Variants in KAZN observed in about 807,000 individuals in gnomAD.
KAZN encodes the protein kazrin.
KAZN carries 40 observed loss-of-function variants against 87.4 expected under a neutral mutation model. The observed-to-expected ratio is 0.46, with a 90% confidence interval of 0.36 to 0.60. The LOEUF (loss-of-function observed/expected upper bound fraction) is 0.60. Among genes scored for constraint, KAZN ranks in the 20% least tolerant of loss-of-function variants. The pLI, the probability that KAZN is intolerant of heterozygous loss-of-function variation, is 0.00. For missense variants in KAZN, 898 were observed against 1,073.9 expected (o/e 0.84, Z 2.29); for synonymous variants, 466 against 458.3 (o/e 1.02, Z -0.22).
intron 1 of KAZN, among the ~76,000 whole-genome samples, chr1:14,602,595 G>A (rs1159524034): frequency 6.6e-6 from 1 of 152,208 alleles, no homozygotes; most frequent in Non-Finnish European, 1.5e-5. Context: ...ACATCTCTGG[G>A]AAAATGTGTT....
At chr1:13,938,188 T>C (rs944705673) in intron 1 of KAZN, among the ~76,000 whole-genome samples, 5 of 152,224 alleles carry the variant, frequency 3.3e-5, no homozygotes, top group African/African-American at 1.2e-4. Flanking sequence ...CTGGTTTGTG[T>C]CACCTATGAT....
chr1:14,822,017 C>T (rs919778876), intron 1 of KAZN, among the ~76,000 whole-genome samples: 1 of 152,216 alleles, frequency 6.6e-6, no homozygotes, highest in Non-Finnish European at 1.5e-5. Flanking sequence ...CAACATGCTG[C>T]TACTAAAGAA....
At chr1:14,335,113 C>CT (rs576281133) in intron 2 of KAZN, among the ~76,000 whole-genome samples, 1 of 149,990 alleles carries the variant, frequency 6.7e-6, no homozygotes, top group Admixed American at 7.1e-5. Context: ...GGTGCCCCCC[C>CT]CCCACCACCC....
At chr1:14,782,554 CAAA>C (rs71572122) in intron 1 of KAZN, among the ~76,000 whole-genome samples, 22 of 66,266 alleles carry the variant, frequency 3.3e-4, no homozygotes, top group South Asian at 7.3e-4. Context: ...CCTCAAAGAG[CAAA>C]AAAAAAAAAA....
At chr1:14,026,124 A>T (rs1462706738) in intron 1 of KAZN, among the ~76,000 whole-genome samples, 1 of 152,194 alleles carries the variant, frequency 6.6e-6, no homozygotes, top group Non-Finnish European at 1.5e-5. Flanking sequence ...TTAGAGATGA[A>T]GAATGATAAT....
intron 2 of KAZN, among the ~76,000 whole-genome samples, chr1:14,291,492 A>G (rs1653690579): frequency 6.6e-6 from 1 of 152,234 alleles, no homozygotes; most frequent in Non-Finnish European, 1.5e-5. Flanking sequence ...CTGCCGAGCC[A>G]GGCATGGGAC....
intron 13 of KAZN, among the ~76,000 whole-genome samples, chr1:15,106,334 A>T (rs188224326): frequency 3.9e-5 from 6 of 152,306 alleles, no homozygotes; most frequent in Admixed American, 3.9e-4. Flanking sequence ...GAATCAAAAG[A>T]CACAGGAAAA....
At chr1:14,253,965 G>A (rs1650277816) in intron 2 of KAZN, among the ~76,000 whole-genome samples, 1 of 103,084 alleles carries the variant, frequency 9.7e-6, no homozygotes, top group African/African-American at 3.8e-5. Flanking sequence ...TTGGGGCGGG[G>A]GGTGGGGGTG....
intron 1 of KAZN, among the ~76,000 whole-genome samples, chr1:14,830,604 A>C (rs1051777511): frequency 6.6e-6 from 1 of 152,188 alleles, no homozygotes; most frequent in Non-Finnish European, 1.5e-5. Context: ...GAAACTTACA[A>C]TCATGAGGAA....
chr1:14,608,200 T>C (rs1214696950), intron 1 of KAZN, among the ~76,000 whole-genome samples: 1 of 152,228 alleles, frequency 6.6e-6, no homozygotes, highest in Non-Finnish European at 1.5e-5. Flanking sequence ...GCTATTTTGC[T>C]TAACGCCTTC....
intron 2 of KAZN, among the ~76,000 whole-genome samples, chr1:15,020,233 A>G (rs372121659): frequency 6.6e-6 from 1 of 152,230 alleles, no homozygotes; most frequent in Non-Finnish European, 1.5e-5. Flanking sequence ...GGCATTGCAT[A>G]TACAAAACCA....
chr1:14,417,011 T>TACACACACAC (rs58667891), intron 2 of KAZN, among the ~76,000 whole-genome samples: 128 of 145,596 alleles, frequency 8.8e-4, no homozygotes, highest in African/African-American at 2.3e-3. Flanking sequence ...TATATATATG[T>TACACACACAC]ACACACACAC....
chr1:13,952,428 A>T, intron 1 of KAZN, among the ~76,000 whole-genome samples: 1 of 151,976 alleles, frequency 6.6e-6, no homozygotes, highest in Non-Finnish European at 1.5e-5. Flanking sequence ...ATGAAACAGA[A>T]TGGCCAGCAC....
At chr1:14,351,972 T>C (rs1658583114) in intron 2 of KAZN, among the ~76,000 whole-genome samples, 2 of 152,248 alleles carry the variant, frequency 1.3e-5, no homozygotes, top group South Asian at 4.1e-4. Flanking sequence ...ATGTACATTA[T>C]TTTTAAATGT....
intron 2 of KAZN, among the ~76,000 whole-genome samples, chr1:14,227,539 G>A (rs1456210214): frequency 1.3e-5 from 2 of 152,264 alleles, no homozygotes; most frequent in South Asian, 4.1e-4. Flanking sequence ...AAGACAGGCA[G>A]AGTTCTAAGG....
chr1:15,050,462 G>A (rs1002230853), intron 4 of KAZN, among the ~76,000 whole-genome samples: 3 of 152,172 alleles, frequency 2.0e-5, no homozygotes, highest in African/African-American at 7.2e-5. Context: ...CTGTAAAAAC[G>A]ACAGCCACCA....
At chr1:14,694,172 G>A (rs1159311515) in intron 1 of KAZN, among the ~76,000 whole-genome samples, 2 of 152,224 alleles carry the variant, frequency 1.3e-5, no homozygotes, top group African/African-American at 2.4e-5. Context: ...TGTGCCTTTC[G>A]GTCGACAGTC....
chr1:14,628,332 T>C (rs2148654540), intron 1 of KAZN, among the ~76,000 whole-genome samples: 1 of 152,358 alleles, frequency 6.6e-6, no homozygotes, highest in African/African-American at 2.4e-5. Flanking sequence ...CCAGGACTTT[T>C]TCAATGAGAT....
chr1:15,100,232 T>C (rs1640996408), intron 10 of KAZN, among the ~76,000 whole-genome samples: 1 of 152,054 alleles, frequency 6.6e-6, no homozygotes, highest in South Asian at 2.1e-4. Context: ...GAGCCCATTG[T>C]ATGGCAGCAT....
Sources: gnomAD v4.1 joint callset for allele counts (sites outside exome capture counted in the v4.1 genomes callset) on GRCh38, gnomAD v4.1.1 for gene constraint, MANE v1.5 for transcripts, NCBI Gene and HGNC (gene_info 2026-07-23, HGNC 2026-07-21) for gene names.